RBFOX1: variants seen among roughly 807,000 people sequenced by gnomAD.
The protein encoded by RBFOX1 is RNA binding protein fox-1 homolog 1.
A neutral mutation model predicts 57.7 loss-of-function variants in RBFOX1; 8 were observed. That is an observed-to-expected ratio of 0.14 (90% CI 0.08 to 0.25). RBFOX1 has a LOEUF of 0.25. Among genes scored for constraint, RBFOX1 ranks in the 10% least tolerant of loss-of-function variants. RBFOX1 has a pLI of 1.00. For missense variants in RBFOX1, 611 were observed against 548.5 expected, an observed-to-expected ratio of 1.11 and a Z score of -1.14; for synonymous variants, 326 against 222.4, an observed-to-expected ratio of 1.47 and a Z score of -4.15.
At chr16:7,177,261 G>A (rs1474813412) in intron 4 of RBFOX1, among the ~76,000 whole-genome samples, 1 of 152,098 alleles carries the variant, frequency 6.6e-6, no homozygotes, top group African/African-American at 2.4e-5. Context: ...ATTGTCCATG[G>A]ATAAGACCAA....
chr16:6,276,281 G>GT (rs1291183372), intron 1 of RBFOX1, among the ~76,000 whole-genome samples: 1 of 152,134 alleles, frequency 6.6e-6, no homozygotes, highest in African/African-American at 2.4e-5. Context: ...GGAAGTGGTC[G>GT]TTTTTTGTCC....
At chr16:6,365,986 T>C (rs1403781871) in intron 2 of RBFOX1, among the ~76,000 whole-genome samples, 15 of 151,950 alleles carry the variant, frequency 9.9e-5, no homozygotes, top group Non-Finnish European at 1.5e-5. Context: ...GGTGTTTTTT[T>C]TTTCCACGAT....
chr16:7,260,289 A>G (rs569576108), intron 4 of RBFOX1, among the ~76,000 whole-genome samples: 1 of 152,356 alleles, frequency 6.6e-6, no homozygotes, highest in South Asian at 2.1e-4. Context: ...ATATCCAGAC[A>G]TGCTTCACTT....
intron 3 of RBFOX1, among the ~76,000 whole-genome samples, chr16:6,687,786 C>T (rs1037895844): frequency 6.6e-6 from 1 of 152,182 alleles, no homozygotes; most frequent in South Asian, 2.1e-4. Context: ...CATGACACTC[C>T]TCTTACTCCC....
At chr16:5,839,535 C>T (rs111787475) in intron 3 of RBFOX1, among the ~76,000 whole-genome samples, 2 of 152,274 alleles carry the variant, frequency 1.3e-5, no homozygotes, top group African/African-American at 4.8e-5. Flanking sequence ...ACCTGAAGTG[C>T]TCTGAACTGC....
At chr16:5,429,384 C>G (rs1221202813) in intron 1 of RBFOX1, among the ~76,000 whole-genome samples, 2 of 152,164 alleles carry the variant, frequency 1.3e-5, no homozygotes, top group African/African-American at 4.8e-5. Flanking sequence ...AGGCTCAGGC[C>G]TTAGGCGGGA....
chr16:5,474,151 C>T (rs1041478511), intron 2 of RBFOX1, among the ~76,000 whole-genome samples: 2 of 152,196 alleles, frequency 1.3e-5, no homozygotes, highest in African/African-American at 4.8e-5. Context: ...TTTGGCATTA[C>T]TCCATCTTGG....
At chr16:5,715,660 C>G (rs962575949) in intron 3 of RBFOX1, among the ~76,000 whole-genome samples, 4 of 152,166 alleles carry the variant, frequency 2.6e-5, no homozygotes, top group African/African-American at 9.7e-5. Flanking sequence ...GGCATGAAGG[C>G]TAAAGGCTTG....
intron 4 of RBFOX1, among the ~76,000 whole-genome samples, chr16:7,288,838 C>G (rs917420835): frequency 2.6e-5 from 4 of 152,232 alleles, no homozygotes; most frequent in Non-Finnish European, 5.9e-5. Context: ...AAGGCTCCAT[C>G]TCAAAAACTT....
intron 3 of RBFOX1, among the ~76,000 whole-genome samples, chr16:6,811,904 T>G (rs542755156): frequency 2.6e-5 from 4 of 152,042 alleles, no homozygotes; most frequent in African/African-American, 9.6e-5. Context: ...TATAAATAAA[T>G]AAAATACAAA....
chr16:6,859,143 AT>A (rs2058491897), intron 3 of RBFOX1, among the ~76,000 whole-genome samples: 1 of 88,094 alleles, frequency 1.1e-5, no homozygotes, highest in South Asian at 4.0e-4. Flanking sequence ...ATATATACGT[AT>A]ATATATATGT....
chr16:6,955,729 G>A (rs1399973491), intron 3 of RBFOX1, among the ~76,000 whole-genome samples: 1 of 147,002 alleles, frequency 6.8e-6, no homozygotes, highest in South Asian at 2.1e-4. Flanking sequence ...TTGAGAGGGA[G>A]TTTCACTCTT....
intron 1 of RBFOX1, chr16:6,092,287 A>G (rs1331358227): frequency 6.6e-6 from 1 of 152,190 alleles, no homozygotes; most frequent in Admixed American, 6.5e-5. Flanking sequence ...TGCAGTAGGC[A>G]TTTGTAATAT....
chr16:5,427,057 C>G (rs1454944708), intron 1 of RBFOX1, among the ~76,000 whole-genome samples: 1 of 152,186 alleles, frequency 6.6e-6, no homozygotes, highest in African/African-American at 2.4e-5. Flanking sequence ...GCTTTTACCT[C>G]ATGGTGTCTT....
At chr16:7,708,598 G>T (rs1231787852) in intron 14 of RBFOX1, among the ~76,000 whole-genome samples, 1 of 152,190 alleles carries the variant, frequency 6.6e-6, no homozygotes, top group African/African-American at 2.4e-5. Context: ...ACTAACTTCA[G>T]ACAGGTTCAC....
chr16:7,354,059 C>T (rs1334506346), intron 4 of RBFOX1, among the ~76,000 whole-genome samples: 1 of 152,150 alleles, frequency 6.6e-6, no homozygotes, highest in African/African-American at 2.4e-5. Flanking sequence ...GCAACCTCTA[C>T]CTCCCAGGTT....
intron 2 of RBFOX1, among the ~76,000 whole-genome samples, chr16:6,402,369 T>A (rs2093108368): frequency 6.6e-6 from 1 of 152,228 alleles, no homozygotes. Flanking sequence ...CGTGGATATT[T>A]AGGTGTGTTC....
At chr16:6,969,128 C>A (rs540137000) in intron 3 of RBFOX1, among the ~76,000 whole-genome samples, 2 of 152,086 alleles carry the variant, frequency 1.3e-5, no homozygotes, top group East Asian at 3.9e-4. Flanking sequence ...TGCGTGTGAA[C>A]TTATTCAGTC....
intron 2 of RBFOX1, among the ~76,000 whole-genome samples, chr16:5,588,650 T>C (rs1048949673): frequency 1.3e-5 from 2 of 152,170 alleles, no homozygotes; most frequent in Non-Finnish European, 2.9e-5. Context: ...TGGACAGCAC[T>C]TTGCAGACTT....
Sources: allele counts gnomAD v4.1 joint callset (sites outside exome capture counted in the v4.1 genomes callset), GRCh38; gene constraint gnomAD v4.1.1; transcripts MANE v1.5; gene names NCBI Gene and HGNC (gene_info 2026-07-23, HGNC 2026-07-21).